The following TAF15 variants were observed in gnomAD, a reference collection of about 807,000 sequenced individuals.
TAF15 encodes the protein TATA-box binding protein associated factor 15.
TAF15 carries 37 observed loss-of-function variants against 102.5 expected under a neutral mutation model. That is an observed-to-expected ratio of 0.36 (90% CI 0.28 to 0.47). The LOEUF is 0.47. TAF15 is among the 20% of genes least tolerant of loss of function. The probability of loss-of-function intolerance (pLI) is 0.99; values close to 1 mark genes in which losing one functional copy is unlikely to be tolerated. For missense variants in TAF15, 652 were observed against 760.7 expected, an observed-to-expected ratio of 0.86 and a Z score of 1.68; for synonymous variants, 273 against 259.2, an observed-to-expected ratio of 1.05 and a Z score of -0.51.
chr17:35,816,118 C>T (rs2087192213), intron 1 of TAF15, among the ~76,000 whole-genome samples: 1 of 152,162 alleles, frequency 6.6e-6, no homozygotes, highest in African/African-American at 2.4e-5. Flanking sequence ...TGAGCCACTA[C>T]ACCTGGCCTT....
chr17:35,845,437 G>A (rs2087612448), intron 15 of TAF15, among the ~76,000 whole-genome samples: 1 of 151,982 alleles, frequency 6.6e-6, no homozygotes, highest in Non-Finnish European at 1.5e-5. Context: ...TTTATTTTCT[G>A]TAGAGACAGG....
intron 11 of TAF15, among the ~76,000 whole-genome samples, chr17:35,840,821 G>A (rs959717363): frequency 6.6e-5 from 10 of 151,718 alleles, no homozygotes; most frequent in Admixed American, 6.6e-5. Flanking sequence ...CCGAGATCAC[G>A]CCACTGTACT....
intron 1 of TAF15, 88 bp from the exon 2 acceptor site, chr17:35,817,628 T>TA: frequency 2.6e-6 from 3 of 1,161,166 alleles, no homozygotes; most frequent in Non-Finnish European, 3.8e-6. Context: ...TACATTTTCT[T>TA]ACCACATTTC....
rs200734404 is a variant in TAF15 at position 35,844,497 on chromosome 17, G to A, written c.1198G>A (p.Gly400Ser). ...SGGDFRGRGY[G>S]GERGYRGRGG... Reference sequence around the variant, plus strand: ...TGCAGATTTCCGGGGGAGAGGCTACGGTGGAGAGAGGGGCTACAGAGGTCG... The same window carrying A: ...TGCAGATTTCCGGGGGAGAGGCTACAGTGGAGAGAGGGGCTACAGAGGTCG... The change falls in exon 15 of 16, where the codon GGT becomes AGT. Residue 400 changes from glycine (G) to serine (S), a missense_variant. Around this residue, in one of 3 missense-constraint regions of TAF15, gnomAD observed 368 missense variants for 367.5 expected, o/e 1.00. Transcript: ENST00000605844. The A allele has an allele frequency of 1.4e-5, 23 of 1,613,422 alleles. No homozygotes were observed. The South Asian group carries it at 1.5e-4, about 11-fold the overall frequency.
intron 7 of TAF15, among the ~76,000 whole-genome samples, chr17:35,831,749 C>T (rs957813453): frequency 2.0e-5 from 3 of 152,088 alleles, no homozygotes; most frequent in Admixed American, 6.6e-5. Context: ...GGCATAAGAA[C>T]GTGGGCTTAA....
rs868681088 is a variant in TAF15 at position 35,822,754 on chromosome 17, T to C, written c.405T>C (p.Tyr135=). ...HQGSYDEQSN[Y]DQQHDSYSQN... ...GCTCATATGATGAGCAGTCAAATTA[T>C]GATCAGCAGCATGATTCCTATAGTC... Residue 135 remains tyrosine, a synonymous_variant, in exon 6 of 16, where the codon TAT becomes TAC. Coordinates refer to ENST00000605844, the MANE Select transcript of TAF15 (RefSeq NM_139215.3). 2.5e-6 allele frequency: 4 copies of C among 1,614,210 alleles called. No homozygotes were observed. Among genetic ancestry groups the C allele is most frequent in the South Asian group, 1.1e-5 (1 of 91,084 alleles).
chr17:35,844,992 G>T lies in TAF15; in HGVS notation c.1693G>T (p.Gly565Cys). The change falls in exon 15 of 16, where the codon GGC becomes TGC. Residue 565 changes from glycine (G) to cysteine (C), a missense_variant. Around this residue, in one of 3 missense-constraint regions of TAF15, gnomAD observed 368 missense variants for 367.5 expected, o/e 1.00. Coordinates refer to ENST00000605844, the MANE Select transcript of TAF15 (RefSeq NM_139215.3). Reference sequence around the variant, plus strand: ...CGGCTATGGAGGAGACCGAGGTGGGGGCTACGGAGGAGACCGAGGTGGCTA... The same window carrying T: ...CGGCTATGGAGGAGACCGAGGTGGGTGCTACGGAGGAGACCGAGGTGGCTA... ...GGGYGGDRGG[G>C]YGGDRGGYGG... 1 of 1,612,368 alleles carries T rather than the reference G, an allele frequency of 6.2e-7. No homozygotes were observed. Among genetic ancestry groups the T allele is most frequent in the African/African-American group, 1.3e-5 (1 of 74,874 alleles).
chr17:35,839,370 CTTTTTTTTTTT>C (rs562461506), intron 11 of TAF15, among the ~76,000 whole-genome samples: 9 of 52,420 alleles, frequency 1.7e-4, no homozygotes, highest in Admixed American at 5.2e-4. Context: ...AAGAAATAGA[CTTTTTTTTTTT>C]TTTTTTTTTT....
In TAF15 at chr17:35,820,390, A is replaced by T. The variant is rs759501848; in HGVS notation, c.243A>T (p.Gln81His). The change falls in exon 5 of 16, where the codon CAA becomes CAT. Residue 81 changes from glutamine (Q) to histidine (H), a missense_variant. Physicochemically the swap from Gln to His is conservative, Grantham distance 24 (BLOSUM62 0). Around this residue, in one of 3 missense-constraint regions of TAF15, gnomAD observed 243 missense variants for 284.1 expected, o/e 0.86. Transcript: ENST00000605844. ...ENQKQSSYSQQPYNNQGQQQN... is the reference protein window; with the variant it reads ...ENQKQSSYSQHPYNNQGQQQN... ...AAAAGCAGAGCTCATATAGCCAGCA[A>T]CCATATAATAACCAGGGACAGCAGC... 2 of 1,614,116 alleles carry T rather than the reference A, an allele frequency of 1.2e-6. No individual in the cohort carries two copies. Among genetic ancestry groups the T allele is most frequent in the Non-Finnish European group, 1.7e-6 (2 of 1,179,956 alleles).
chr17:35,821,656 CT>C (rs1026340283), intron 5 of TAF15, among the ~76,000 whole-genome samples: 1 of 152,040 alleles, frequency 6.6e-6, no homozygotes, highest in Non-Finnish European at 1.5e-5. Flanking sequence ...TAAATGTTGC[CT>C]TTTAACATTC....
chr17:35,845,445 A>T (rs944837247), intron 15 of TAF15, among the ~76,000 whole-genome samples: 3 of 152,138 alleles, frequency 2.0e-5, no homozygotes, highest in Non-Finnish European at 4.4e-5. Context: ...CTGTAGAGAC[A>T]GGGTCTCACT....
intron 9 of TAF15, among the ~76,000 whole-genome samples, chr17:35,835,333 A>AT (rs765484968): frequency 2.6e-5 from 4 of 152,212 alleles, no homozygotes; most frequent in Admixed American, 6.5e-5. Context: ...AGAAACCTAA[A>AT]TTCATACATG....
intron 1 of TAF15, among the ~76,000 whole-genome samples, chr17:35,812,843 G>A (rs1482045715): frequency 1.7e-4 from 26 of 151,792 alleles, no homozygotes; most frequent in Admixed American, 1.7e-3. Context: ...TAAGATCAAG[G>A]TTGGCCGGGT....
Position 35,817,817 on chromosome 17 carries a change from TTCTTC to T in TAF15, c.47+67_47+71del, listed in dbSNP as rs1420276773. The T allele has an allele frequency of 9.0e-5, 130 of 1,439,368 alleles. No homozygotes were observed. In the African/African-American group the frequency reaches 1.1e-3, roughly 13 times the overall value. 89.2% of individuals were successfully genotyped at this position (1,439,368 alleles called of 1,614,324 possible). ...AGAACTGAGGTGAATTTTGTCAAGCTTCTTCTCTTGAGACTTGATGCTGGATGTCA... is the reference window on the plus strand; with the variant it reads ...AGAACTGAGGTGAATTTTGTCAAGCTTCTTGAGACTTGATGCTGGATGTCA... On this transcript the variant is annotated intron_variant, in intron 2 of 15. Coordinates refer to ENST00000605844, the MANE Select transcript of TAF15 (RefSeq NM_139215.3).
At chr17:35,815,265 C>T (rs887169782) in intron 1 of TAF15, among the ~76,000 whole-genome samples, 3 of 152,152 alleles carry the variant, frequency 2.0e-5, no homozygotes, top group African/African-American at 4.8e-5. Context: ...AATTTAAATT[C>T]GTAGGTCCAG....
intron 7 of TAF15, among the ~76,000 whole-genome samples, chr17:35,826,724 A>ATT (rs756619028): frequency 2.1e-4 from 27 of 127,966 alleles, no homozygotes; most frequent in Admixed American, 4.8e-4. Flanking sequence ...CACCCGGCTA[A>ATT]TTTTTTTTTT....
chr17:35,816,780 T>A (rs1325898395), intron 1 of TAF15: 1 of 152,064 alleles, frequency 6.6e-6, no homozygotes, highest in Non-Finnish European at 1.5e-5. Context: ...TTCAAATTCT[T>A]TATTTTTTAT....
Position 35,820,374 on chromosome 17 carries a change from G to A in TAF15, c.227G>A (p.Ser76Asn). ...SYGGYENQKQ[S>N]SYSQQPYNNQ... ...GGTGGTTATGAGAATCAAAAGCAGA[G>A]CTCATATAGCCAGCAACCATATAAT... The change falls in exon 5 of 16, where the codon AGC becomes AAC. Residue 76 changes from serine to asparagine, a missense_variant. Ser to Asn is a conservative substitution (Grantham distance 46). Coordinates refer to ENST00000605844, the MANE Select transcript of TAF15 (RefSeq NM_139215.3). 5.0e-6 allele frequency: 8 copies of A among 1,613,978 alleles called. No individual in the cohort carries two copies. The highest frequency in any genetic ancestry group is 6.8e-6 in the Non-Finnish European group (8 of 1,179,950).
chr17:35,826,724 A>ATTTTTT (rs756619028), intron 7 of TAF15, among the ~76,000 whole-genome samples: 2 of 127,994 alleles, frequency 1.6e-5, no homozygotes, highest in African/African-American at 2.9e-5. Flanking sequence ...CACCCGGCTA[A>ATTTTTT]TTTTTTTTTT....
Sources: gnomAD v4.1 joint callset for allele counts (sites outside exome capture counted in the v4.1 genomes callset) on GRCh38, gnomAD v4.1.1 for gene constraint, gnomAD v4.1.1 regional missense constraint, MANE v1.5 for transcripts, NCBI Gene and HGNC (gene_info 2026-07-23, HGNC 2026-07-21) for gene names.